Variants in A2ML1 observed in about 807,000 individuals in gnomAD.
A2ML1 encodes alpha-2-macroglobulin-like protein 1.
A2ML1 carries 161 observed loss-of-function variants against 181.9 expected under a neutral mutation model. That is an observed-to-expected ratio of 0.89 (90% confidence interval 0.78 to 1.01). The LOEUF (loss-of-function observed/expected upper bound fraction) is 1.01, where lower values mean the gene tolerates loss of function less well. A2ML1 is among the 50% of genes least tolerant of loss of function. The probability of loss-of-function intolerance (pLI) is 0.00; values close to 1 mark genes in which losing one functional copy is unlikely to be tolerated. For synonymous variants in A2ML1, 663 were observed against 666.8 expected, an observed-to-expected ratio of 0.99 and a Z score of 0.09; for missense variants, 1,670 against 1,768.1, an observed-to-expected ratio of 0.94 and a Z score of 1.00.
rs185519272 is a variant in A2ML1, at chr12:8,823,315, C to T, written c.196C>T (p.Leu66=). ...GACCAAGGACAAGACCCAGAAGTTG[C>T]TAGAATACTCTGGACTGAAGAAGAG... is the stretch of plus-strand genomic sequence containing the variant. ...LETKDKTQKL[L]EYSGLKKRHL... The change falls in exon 2 of 36, where the codon CTA becomes TTA. Residue 66 remains leucine, a synonymous_variant. Transcript: ENST00000299698. The T allele has an allele frequency of 3.2e-3, 5,108 of 1,614,144 alleles. 22 individuals are homozygous for T. The highest frequency in any genetic ancestry group is 9.1e-3 in the Middle Eastern group (55 of 6,062).
intron 32 of A2ML1, 31 bp downstream of exon 32, chr12:8,868,658 A>G (rs1279060053): frequency 6.3e-7 from 1 of 1,596,718 alleles, no homozygotes; most frequent in Admixed American, 1.7e-5. Context: ...TCATTTATCT[A>G]GCTGTGAGGG....
At chr12:8,859,126 G>C (rs895419264) in intron 26 of A2ML1, among the ~76,000 whole-genome samples, 1 of 151,780 alleles carries the variant, frequency 6.6e-6, no homozygotes. Context: ...GCTTTCTTCT[G>C]TTCACTACCT....
chr12:8,870,257 G>A lies in A2ML1; in HGVS notation c.4221+1054G>A, dbSNP rs147525804. The stretch of plus-strand genomic sequence containing the variant: ...CAGGGTTTTTTATGTTGTGTGAGCC[G>A]TGTATAGTTTCTTTTTTCTTTTTTT... On this transcript the variant is annotated intron_variant, in intron 33 of 35. Transcript: ENST00000299698. Among the ~76,000 whole-genome samples, 132 of 151,614 alleles carry A rather than the reference G, an allele frequency of 8.7e-4. 2 individuals are homozygous for A. The highest frequency in any genetic ancestry group is 3.4e-3 in the Middle Eastern group (1 of 294).
At chr12:8,850,025 G>C in intron 17 of A2ML1, 135 bp from the exon 18 acceptor site, 1 of 750,154 alleles carries the variant, frequency 1.3e-6, no homozygotes, top group Non-Finnish European at 2.2e-6. Context: ...TTCCTCTTTG[G>C]TCCTTCCTCC....
chr12:8,868,136 T>C, intron 30 of A2ML1, 79 bp downstream of exon 30: 1 of 1,608,920 alleles, frequency 6.2e-7, no homozygotes, highest in Non-Finnish European at 8.5e-7. Context: ...CTTCTCTCTC[T>C]CTTTCTTTCT....
chr12:8,878,441 T>C (rs548576452), downstream of A2ML1, among the ~76,000 whole-genome samples: 2 of 152,164 alleles, frequency 1.3e-5, no homozygotes, highest in African/African-American at 2.4e-5. The surrounding 1 kb of genome is among the most constrained non-coding windows in gnomAD (Gnocchi z 4.4). Flanking sequence ...AAGTGGGAGC[T>C]AAACCTGTTG....
chr12:8,827,254 C>T (rs1942959689), intron 3 of A2ML1, among the ~76,000 whole-genome samples: 1 of 152,146 alleles, frequency 6.6e-6, no homozygotes, highest in Non-Finnish European at 1.5e-5. Flanking sequence ...GCAGGAGAAT[C>T]ACTTGAACCA....
rs10743503 is a variant in A2ML1, at chr12:8,835,946, C to G, written c.643+280C>G. Among the ~76,000 whole-genome samples, 141,488 of 149,146 alleles carry G rather than the reference C, an allele frequency of 0.95. 67,431 individuals are homozygous for G. The highest frequency in any genetic ancestry group is 1 in the East Asian group (5,030 of 5,030). On this transcript the variant is annotated intron_variant, in intron 6 of 35. Coordinates refer to ENST00000299698, the MANE Select transcript of A2ML1 (RefSeq NM_144670.6). Reference sequence around the variant, plus strand: ...GAGAATGGCGTGAACCTGGGAGGTGCAGCTTGCAGTGAGCTGACATCACGC... The same window carrying G: ...GAGAATGGCGTGAACCTGGGAGGTGGAGCTTGCAGTGAGCTGACATCACGC...
At chr12:8,830,856 C>T (rs1247538963) in intron 4 of A2ML1, 1 of 151,966 alleles carries the variant, frequency 6.6e-6, no homozygotes, top group Non-Finnish European at 1.5e-5. Flanking sequence ...CCGCTACTCT[C>T]TTTCCCAATA....
chr12:8,858,863 G>A (rs143555077), intron 26 of A2ML1, among the ~76,000 whole-genome samples: 1 of 152,194 alleles, frequency 6.6e-6, no homozygotes, highest in African/African-American at 2.4e-5. Flanking sequence ...CATTTCCTGT[G>A]GTGAGGACTA....
downstream of A2ML1, among the ~76,000 whole-genome samples, chr12:8,880,947 T>C (rs138411518): frequency 7.4e-3 from 1,120 of 152,300 alleles, 15 homozygotes; most frequent in African/African-American, 0.026. Flanking sequence ...AGCTTTTTTG[T>C]TGGAACACAA....
At position 8,868,597 on chromosome 12, in the gene A2ML1, G is replaced by T. The variant is rs1944511497; in HGVS notation, c.4122G>T (p.Gly1374=). ...TTGTGGAAGTGAAGATGCTATCTGG[G>T]TTCAGTCCCATGGAGGGCACCAATC... ...MAIVEVKMLS[G]FSPMEGTNQL... Residue 1374 remains glycine, a synonymous_variant, in exon 32 of 36, where the codon GGG becomes GGT. Transcript: ENST00000299698. The T allele has an allele frequency of 1.2e-6, 2 of 1,613,992 alleles. No homozygotes were observed. The highest frequency in any genetic ancestry group is 1.3e-5 in the African/African-American group (1 of 74,972).
intron 5 of A2ML1, 111 bp from the exon 6 acceptor site, chr12:8,835,396 A>T (rs182275075): frequency 7.3e-7 from 1 of 1,368,804 alleles, no homozygotes; most frequent in East Asian, 2.3e-5. Context: ...CACAGGGGTC[A>T]TGAACAATGG....
downstream of A2ML1, chr12:8,880,656 G>C (rs899191760): frequency 5.9e-5 from 9 of 152,080 alleles, no homozygotes; most frequent in African/African-American, 1.7e-4. Context: ...GGGAGGAGGG[G>C]ACACTCAGCA....
At position 8,868,601 on chromosome 12, in the gene A2ML1, A is replaced by G. The variant is rs1409278527; in HGVS notation, c.4126A>G (p.Ser1376Gly). The G allele has an allele frequency of 1.2e-6, 2 of 1,613,740 alleles. No homozygotes were observed. Among genetic ancestry groups the G allele is most frequent in the African/African-American group, 2.7e-5 (2 of 74,846 alleles). ...GGAAGTGAAGATGCTATCTGGGTTC[A>G]GTCCCATGGAGGGCACCAATCAGTT... ...IVEVKMLSGFSPMEGTNQLLL... is the reference protein window; with the variant it reads ...IVEVKMLSGFGPMEGTNQLLL... Residue 1376 changes from serine to glycine, a missense_variant, in exon 32 of 36, where the codon AGT becomes GGT. Transcript: ENST00000299698.
intron 17 of A2ML1, 90 bp downstream of exon 17, chr12:8,849,849 A>G (rs1160442327): frequency 1.7e-6 from 2 of 1,206,654 alleles, no homozygotes; most frequent in Non-Finnish European, 2.4e-6. Flanking sequence ...TCTTGCACTG[A>G]GCCTCTAGCC....
Position 8,854,171 on chromosome 12 carries a change from T to C in A2ML1, c.2634T>C (p.Asn878=). ...TTAGTACAAAGATTCTGGACAGCAATGAACCATGTGGGGGCCAGAAGGGGT... is the reference window on the plus strand; with the variant it reads ...TTAGTACAAAGATTCTGGACAGCAACGAACCATGTGGGGGCCAGAAGGGGT... The part of the protein sequence containing the change: ...FTISTKILDS[N]EPCGGQKGFV... Residue 878 remains asparagine, a synonymous_variant, in exon 21 of 36, where the codon AAT becomes AAC. Coordinates refer to ENST00000299698, the MANE Select transcript of A2ML1 (RefSeq NM_144670.6). 6.2e-7 allele frequency: 1 copy of C among 1,608,132 alleles called. No individual in the cohort carries two copies.
intron 5 of A2ML1, 93 bp from the exon 6 acceptor site, chr12:8,835,414 T>G: frequency 6.5e-7 from 1 of 1,544,120 alleles, no homozygotes; most frequent in South Asian, 1.2e-5. Flanking sequence ...TGGGTGGGGT[T>G]TTTTACCTGC....
intron 11 of A2ML1, among the ~76,000 whole-genome samples, chr12:8,842,357 T>C (rs749794397): frequency 6.6e-6 from 1 of 151,858 alleles, no homozygotes; most frequent in South Asian, 2.1e-4. Context: ...TAGCTGGGAC[T>C]ACAGGCGCCT....
Sources: allele counts gnomAD v4.1 joint callset (sites outside exome capture counted in the v4.1 genomes callset), GRCh38; gene constraint gnomAD v4.1.1; non-coding constraint Gnocchi (gnomAD v3.1); transcripts MANE v1.5; gene names NCBI Gene and HGNC (gene_info 2026-07-23, HGNC 2026-07-21).